Variants in TRERF1 observed in about 807,000 individuals in gnomAD.
TRERF1 encodes the protein transcriptional-regulating factor 1.
TRERF1 carries 27 observed loss-of-function variants against 122.9 expected under a neutral mutation model. That is an observed-to-expected ratio of 0.22 (90% confidence interval 0.16 to 0.30). TRERF1 has a LOEUF of 0.30. TRERF1 is among the 10% of genes least tolerant of loss of function. The pLI, the probability that TRERF1 is intolerant of heterozygous loss-of-function variation, is 1.00. For synonymous variants in TRERF1, 636 were observed against 641.7 expected (o/e 0.99, Z 0.13); for missense variants, 1,248 against 1,560.3 (o/e 0.80, Z 3.37).
At chr6:42,325,402 T>C (rs1005234083) in intron 3 of TRERF1, among the ~76,000 whole-genome samples, 4 of 152,196 alleles carry the variant, frequency 2.6e-5, no homozygotes, top group Admixed American at 6.5e-5. Context: ...ATCCTATTAC[T>C]GGATATATAC....
At chr6:42,348,405 C>A (rs1345555805) in intron 3 of TRERF1, among the ~76,000 whole-genome samples, 1 of 152,138 alleles carries the variant, frequency 6.6e-6, no homozygotes, top group East Asian at 1.9e-4. Context: ...AGCCATGCGC[C>A]ACCATGCCCA....
intron 3 of TRERF1, among the ~76,000 whole-genome samples, chr6:42,336,004 T>C (rs1227179965): frequency 6.6e-6 from 1 of 152,246 alleles, no homozygotes; most frequent in Non-Finnish European, 1.5e-5. Flanking sequence ...GTTGAGCACT[T>C]GCAGTCTAGC....
intron 4 of TRERF1, among the ~76,000 whole-genome samples, chr6:42,294,180 ATTTTT>A (rs70987589): frequency 1.5e-5 from 2 of 129,148 alleles, no homozygotes; most frequent in East Asian, 4.5e-4. Context: ...CTATAATGTA[ATTTTT>A]TTTTTTTTTT....
intron 2 of TRERF1, among the ~76,000 whole-genome samples, chr6:42,435,176 A>C (rs773924418): frequency 2.5e-4 from 38 of 152,042 alleles, no homozygotes; most frequent in African/African-American, 3.9e-4. Context: ...AACACACACA[A>C]AAAAAATGTC....
chr6:42,307,972 T>C (rs918809689), intron 3 of TRERF1, among the ~76,000 whole-genome samples: 3 of 152,234 alleles, frequency 2.0e-5, no homozygotes, highest in Non-Finnish European at 4.4e-5. Context: ...ATCACAAGTG[T>C]TGACCTGGAA....
At chr6:42,449,772 A>T (rs1788140307) in intron 2 of TRERF1, among the ~76,000 whole-genome samples, 1 of 152,244 alleles carries the variant, frequency 6.6e-6, no homozygotes, top group South Asian at 2.1e-4. Flanking sequence ...CAAACTGCCA[A>T]ATATCAACCC....
At chr6:42,349,383 G>A (rs541468134) in intron 3 of TRERF1, among the ~76,000 whole-genome samples, 2 of 152,022 alleles carry the variant, frequency 1.3e-5, no homozygotes, top group Admixed American at 1.3e-4. Flanking sequence ...AACCACATAG[G>A]CCAATACATT....
At chr6:42,273,965 T>C (rs1039925301) in intron 4 of TRERF1, among the ~76,000 whole-genome samples, 1 of 152,238 alleles carries the variant, frequency 6.6e-6, no homozygotes, top group Admixed American at 6.5e-5. Flanking sequence ...CCCAAACTGC[T>C]AGGGAAAGGG....
chr6:42,290,752 T>C (rs1273365560), intron 4 of TRERF1, among the ~76,000 whole-genome samples: 44 of 145,674 alleles, frequency 3.0e-4, no homozygotes, highest in Non-Finnish European at 5.3e-4. Context: ...TTTTTTTTTT[T>C]TTTTTTTTTT....
intron 2 of TRERF1, among the ~76,000 whole-genome samples, chr6:42,386,223 G>A (rs147926612): frequency 1.1e-4 from 16 of 152,236 alleles, no homozygotes; most frequent in East Asian, 9.7e-4. Context: ...TAGTAGAGAC[G>A]GGGTTTTGCC....
At chr6:42,431,441 G>A (rs770517638) in intron 2 of TRERF1, among the ~76,000 whole-genome samples, 12 of 152,166 alleles carry the variant, frequency 7.9e-5, no homozygotes, top group Non-Finnish European at 1.5e-4. Context: ...CACAGGGTCT[G>A]AGGTTTCTTA....
In TRERF1 at chr6:42,269,339, C is replaced by T. The variant is rs1779823778; in HGVS notation, c.252G>A (p.Gly84=). The change falls in exon 5 of 18, where the codon GGG becomes GGA. Residue 84 remains glycine (G), a synonymous_variant. Coordinates refer to ENST00000372922, the Ensembl canonical transcript of TRERF1. This position sits in a 1 kb window ranked among gnomAD's most constrained non-coding sequence, Gnocchi z 4.9. ...TTCCAGGCCCTGCATGACTTCCCCA[C>T]CCTCCCTGCCTCGAGGTATCCATTT... is the stretch of plus-strand genomic sequence containing the variant. 6.2e-7 allele frequency: 1 copy of T among 1,614,166 alleles called. No homozygotes were observed. The highest frequency in any genetic ancestry group is 8.5e-7 in the Non-Finnish European group (1 of 1,180,036).
At position 42,250,824 on chromosome 6, in the gene TRERF1, T is replaced by C. The variant is rs964013836; in HGVS notation, c.2656+4027A>G. 5.3e-5 allele frequency among the ~76,000 whole-genome samples: 8 copies of C among 152,224 alleles called. No homozygotes were observed. In the Middle Eastern group the frequency reaches 0.01, roughly 194 times the overall value. The stretch of plus-strand genomic sequence containing the variant: ...GAAAACTGTTTTGACCTTCGGTTGC[T>C]GGGAAACAGGCTCTGGACTGTGGCT... On this transcript the variant is annotated intron_variant, in intron 13 of 17. Coordinates refer to ENST00000372922, the Ensembl canonical transcript of TRERF1.
chr6:42,415,700 C>T (rs1252030566), intron 2 of TRERF1, among the ~76,000 whole-genome samples: 3 of 152,152 alleles, frequency 2.0e-5, no homozygotes, highest in African/African-American at 7.2e-5. Flanking sequence ...TTTGGGCTCA[C>T]TATTCTGTCC....
intron 3 of TRERF1, among the ~76,000 whole-genome samples, chr6:42,360,909 C>T (rs1771638510): frequency 6.6e-6 from 1 of 151,588 alleles, no homozygotes; most frequent in Admixed American, 6.6e-5. Flanking sequence ...ATTCATTGTG[C>T]CGTGGGAGCC....
chr6:42,330,491 C>T (rs1765067980), intron 3 of TRERF1, among the ~76,000 whole-genome samples: 2 of 152,136 alleles, frequency 1.3e-5, no homozygotes, highest in South Asian at 4.1e-4. Flanking sequence ...GAAGTGGACA[C>T]ATTTATTGCT....
At chr6:42,354,703 A>C (rs534196459) in intron 3 of TRERF1, among the ~76,000 whole-genome samples, 64 of 152,128 alleles carry the variant, frequency 4.2e-4, no homozygotes, top group Non-Finnish European at 7.8e-4. Context: ...TAGTTCACTA[A>C]TCTACTTCCT....
At chr6:42,301,902 T>G (rs904046374) in intron 3 of TRERF1, among the ~76,000 whole-genome samples, 1 of 152,196 alleles carries the variant, frequency 6.6e-6, no homozygotes, top group Non-Finnish European at 1.5e-5. Context: ...CTCTGGACTA[T>G]AAAAAGTTAG....
chr6:42,327,386 G>A (rs937536375), intron 3 of TRERF1, among the ~76,000 whole-genome samples: 32 of 152,274 alleles, frequency 2.1e-4, no homozygotes, highest in African/African-American at 6.3e-4. Context: ...AATTTGTCCG[G>A]GGTCTCAGAG....
Sources: allele counts gnomAD v4.1 joint callset (sites outside exome capture counted in the v4.1 genomes callset), GRCh38; gene constraint gnomAD v4.1.1; non-coding constraint Gnocchi (gnomAD v3.1); transcripts MANE v1.5; gene names NCBI Gene and HGNC (gene_info 2026-07-23, HGNC 2026-07-21).